Variants in MCUB observed in about 807,000 individuals in gnomAD.
MCUB encodes the protein mitochondrial calcium uniporter dominant negative subunit beta, also known as calcium uniporter regulatory subunit MCUb, mitochondrial.
In MCUB, 46 loss-of-function variants were observed where a neutral mutation model predicts 41.4. The ratio of observed to expected loss-of-function variants is 1.11; its 90% CI spans 0.88 to 1.42. The LOEUF is 1.42. MCUB is among the 40% of genes most tolerant of loss of function. The probability of loss-of-function intolerance (pLI) is 0.00; values close to 1 mark genes in which losing one functional copy is unlikely to be tolerated. For missense variants in MCUB, 403 were observed against 404.9 expected (o/e 1.00, Z 0.04); for synonymous variants, 148 against 148.2 (o/e 1.00, Z 0.01).
chr4:109,583,128 C>CA (rs1727223121), intron 1 of MCUB, among the ~76,000 whole-genome samples: 2 of 152,138 alleles, frequency 1.3e-5, no homozygotes, highest in Non-Finnish European at 2.9e-5. Context: ...ATGGGTATGG[C>CA]ATTGAATCTA....
intron 1 of MCUB, among the ~76,000 whole-genome samples, chr4:109,605,495 GTATTC>G (rs1727849431): frequency 6.6e-6 from 1 of 152,196 alleles, no homozygotes; most frequent in African/African-American, 2.4e-5. Flanking sequence ...AGAAGATTGT[GTATTC>G]TATAGCCGTT....
intron 1 of MCUB, among the ~76,000 whole-genome samples, chr4:109,643,538 C>G (rs1384034632): frequency 6.6e-6 from 1 of 151,422 alleles, no homozygotes; most frequent in East Asian, 1.9e-4. Flanking sequence ...GAGTTCCACT[C>G]TCGTCTCCCA....
intron 1 of MCUB, among the ~76,000 whole-genome samples, chr4:109,602,618 A>G (rs1727769403): frequency 6.6e-6 from 1 of 152,198 alleles, no homozygotes; most frequent in South Asian, 2.1e-4. Flanking sequence ...GCTCTGTAGT[A>G]TAATTTGAAC....
Position 109,560,255 on chromosome 4 carries a change from A to G in MCUB, c.-83A>G. 3.0e-6 allele frequency: 2 copies of G among 664,006 alleles called. No individual in the cohort carries two copies. The highest frequency in any genetic ancestry group is 4.2e-6 in the Non-Finnish European group (2 of 471,322). 41.1% of individuals were successfully genotyped at this position (664,006 alleles called of 1,614,324 possible). On this transcript the variant is annotated 5_prime_UTR_variant, in exon 1 of 8. Coordinates refer to ENST00000394650, the MANE Select transcript of MCUB (RefSeq NM_017918.5). ...CGGGGCGGGAGCGCCCACAGCTCGG[A>G]GCCACCAGGCGCTGACGAGGAGCCC... is the stretch of plus-strand genomic sequence containing the variant.
chr4:109,656,354 C>CTTTTTTTTTTTTTTTT (rs752851425), intron 1 of MCUB, among the ~76,000 whole-genome samples: 4 of 62,116 alleles, frequency 6.4e-5, no homozygotes, highest in Admixed American at 2.6e-4. Context: ...TTACTCTCTA[C>CTTTTTTTTTTTTTTTT]TTTTTTTTTT....
chr4:109,682,192 C>T (rs1264059247), intron 4 of MCUB, among the ~76,000 whole-genome samples: 2 of 152,194 alleles, frequency 1.3e-5, no homozygotes, highest in Non-Finnish European at 2.9e-5. Context: ...CTGTCTCTCA[C>T]GAGGTCTTTG....
chr4:109,645,216 A>G (rs2126141273), intron 1 of MCUB, among the ~76,000 whole-genome samples: 1 of 152,278 alleles, frequency 6.6e-6, no homozygotes, highest in South Asian at 2.1e-4. Context: ...GTTATCTTAA[A>G]TTAGTGTTCC....
chr4:109,656,593 ACTTCTGGGCTCAAG>A (rs1417074564), intron 1 of MCUB, among the ~76,000 whole-genome samples: 1 of 151,128 alleles, frequency 6.6e-6, no homozygotes, highest in Non-Finnish European at 1.5e-5. Flanking sequence ...CTGGGCTCAA[ACTTCTGGGCTCAAG>A]CAATCCGTCT....
chr4:109,587,416 G>A (rs1231100626), intron 1 of MCUB, among the ~76,000 whole-genome samples: 1 of 150,048 alleles, frequency 6.7e-6, no homozygotes. Flanking sequence ...TGTGCTTCCC[G>A]GGTGAGGCGA....
In MCUB at chr4:109,682,706, T is replaced by G. The variant is rs1456169994; in HGVS notation, c.576T>G (p.Ile192Met). The G allele has an allele frequency of 1.2e-6, 2 of 1,613,864 alleles. No homozygotes were observed. Among genetic ancestry groups the G allele is most frequent in the Non-Finnish European group, 1.7e-6 (2 of 1,179,874 alleles). ...KKREHHLLEK[I>M]DHLKEQLQPL... ...GAGAGCACCATTTACTGGAGAAAAT[T>G]GACCACCTGAAGGAACAGCTGCAGC... The change falls in exon 5 of 8, where the codon ATT (isoleucine) becomes ATG (methionine). Residue 192 changes from isoleucine to methionine, a missense_variant. Coordinates refer to ENST00000394650, the MANE Select transcript of MCUB (RefSeq NM_017918.5).
At position 109,583,922 on chromosome 4, in the gene MCUB, C is replaced by T. The variant is rs550866908; in HGVS notation, c.99+23486C>T. Among the ~76,000 whole-genome samples the T allele has an allele frequency of 6.6e-4, 100 of 151,912 alleles. 1 individual carries two copies. The highest frequency in any genetic ancestry group is 2.0e-3 in the African/African-American group (85 of 41,492). ...ATCCCAGGGATGAAGCCAACTTGAT[C>T]GTGGTGGATAAGCTTTGGTATCAGG... On this transcript the variant is annotated intron_variant, in intron 1 of 7. Transcript: ENST00000394650.
intron 1 of MCUB, among the ~76,000 whole-genome samples, chr4:109,624,009 T>C (rs1356373253): frequency 6.6e-6 from 1 of 152,102 alleles, no homozygotes; most frequent in African/African-American, 2.4e-5. Flanking sequence ...ACCAGCACAC[T>C]TGACTGATTT....
At chr4:109,583,200 G>T (rs1421491089) in intron 1 of MCUB, among the ~76,000 whole-genome samples, 2 of 152,136 alleles carry the variant, frequency 1.3e-5, no homozygotes, top group African/African-American at 4.8e-5. Context: ...CATGGGCATG[G>T]AATATTCTTC....
intron 5 of MCUB, among the ~76,000 whole-genome samples, chr4:109,683,418 G>T (rs1237816725): frequency 1.3e-5 from 2 of 151,754 alleles, no homozygotes; most frequent in Admixed American, 6.6e-5. Flanking sequence ...GACTTGTTTG[G>T]TTTTTTTTAT....
chr4:109,563,038 T>C (rs1726678989), intron 1 of MCUB, among the ~76,000 whole-genome samples: 1 of 152,236 alleles, frequency 6.6e-6, no homozygotes, highest in Non-Finnish European at 1.5e-5. Context: ...TCTCTGCTTG[T>C]CAGCACTCTA....
At chr4:109,684,413 C>T in intron 5 of MCUB, 30 bp from the exon 6 acceptor site, 2 of 1,546,062 alleles carry the variant, frequency 1.3e-6, no homozygotes, top group Middle Eastern at 3.6e-4. Context: ...TATTTGTAAA[C>T]AGAATTAACA....
At chr4:109,565,091 TA>T in intron 1 of MCUB, among the ~76,000 whole-genome samples, 1 of 152,354 alleles carries the variant, frequency 6.6e-6, no homozygotes, top group Non-Finnish European at 1.5e-5. Flanking sequence ...GATTTTTATT[TA>T]AAACCTTATT....
intron 1 of MCUB, among the ~76,000 whole-genome samples, chr4:109,594,910 C>T (rs1187748342): frequency 6.6e-6 from 1 of 151,668 alleles, no homozygotes; most frequent in African/African-American, 2.4e-5. Context: ...GAAGAACAGG[C>T]AAGCCTTGGA....
chr4:109,665,688 T>C (rs1489765648), intron 4 of MCUB, among the ~76,000 whole-genome samples: 1 of 152,220 alleles, frequency 6.6e-6, no homozygotes, highest in Non-Finnish European at 1.5e-5. Flanking sequence ...GTATTGTTAA[T>C]TTTTATTAGA....
Sources: gnomAD v4.1 joint callset for allele counts (sites outside exome capture counted in the v4.1 genomes callset) on GRCh38, gnomAD v4.1.1 for gene constraint, MANE v1.5 for transcripts, NCBI Gene and HGNC (gene_info 2026-07-23, HGNC 2026-07-21) for gene names.